The following BNC2 variants were observed in gnomAD, a reference collection of about 807,000 sequenced individuals.
BNC2 encodes zinc finger protein basonuclin-2.
In BNC2, 20 loss-of-function variants were observed where a neutral mutation model predicts 76.3. That is an observed-to-expected ratio of 0.26 (90% CI 0.18 to 0.38). The LOEUF (loss-of-function observed/expected upper bound fraction) is 0.38. Among genes scored for constraint, BNC2 ranks in the 10% least tolerant of loss-of-function variants. The pLI, the probability that BNC2 is intolerant of heterozygous loss-of-function variation, is 1.00. For missense variants in BNC2, 1,382 were observed against 1,399.8 expected (o/e 0.99, Z 0.20); for synonymous variants, 582 against 514.8 (o/e 1.13, Z -1.77).
chr9:16,429,942 CAG>C (rs1563778897), intron 6 of BNC2: 3 of 515,442 alleles, frequency 5.8e-6, no homozygotes, highest in Non-Finnish European at 3.9e-6. Context: ...TTAGGCTTGA[CAG>C]AGTCTCTCCC....
intron 5 of BNC2, among the ~76,000 whole-genome samples, chr9:16,507,871 A>G (rs1182626259): frequency 1.3e-5 from 2 of 152,228 alleles, no homozygotes; most frequent in East Asian, 3.8e-4. Context: ...CCACTTGCTT[A>G]AAGCGGCCAA....
chr9:16,845,581 T>C (rs547465526), intron 1 of BNC2, among the ~76,000 whole-genome samples: 6 of 151,282 alleles, frequency 4.0e-5, no homozygotes, highest in South Asian at 2.1e-4. Context: ...ATTAGCCGGG[T>C]GTAGCGGCGT....
chr9:16,679,067 T>G (rs1822745760), intron 3 of BNC2, among the ~76,000 whole-genome samples: 1 of 152,160 alleles, frequency 6.6e-6, no homozygotes. Context: ...TCCTCCAAGC[T>G]GCACTATGTA....
intron 3 of BNC2, among the ~76,000 whole-genome samples, chr9:16,669,869 T>A (rs1822422336): frequency 6.6e-6 from 1 of 152,234 alleles, no homozygotes; most frequent in East Asian, 1.9e-4. Context: ...CAGCTTAGAG[T>A]GGACGGTAGG....
chr9:16,705,240 T>C (rs1427125461), intron 3 of BNC2, among the ~76,000 whole-genome samples: 1 of 146,858 alleles, frequency 6.8e-6, no homozygotes, highest in Non-Finnish European at 1.5e-5. Context: ...CACAATGCCA[T>C]TTCCCTAGTT....
At chr9:16,449,839 G>A (rs1392661552) in intron 5 of BNC2, among the ~76,000 whole-genome samples, 1 of 130,714 alleles carries the variant, frequency 7.7e-6, no homozygotes, top group African/African-American at 3.8e-5. Flanking sequence ...TTAAAGGTGG[G>A]GCGGGGGGGG....
intron 3 of BNC2, among the ~76,000 whole-genome samples, chr9:16,590,181 G>C (rs919882741): frequency 6.6e-6 from 1 of 152,106 alleles, no homozygotes; most frequent in Non-Finnish European, 1.5e-5. Context: ...GGAGGGAAAA[G>C]AAGAAATTTT....
chr9:16,744,921 G>GT (rs1416528744), intron 1 of BNC2, among the ~76,000 whole-genome samples: 2 of 152,122 alleles, frequency 1.3e-5, no homozygotes, highest in Admixed American at 6.5e-5. Context: ...ATCCTTTATA[G>GT]TGTTATTTAC....
chr9:16,793,866 T>TG (rs1416124108), intron 1 of BNC2, among the ~76,000 whole-genome samples: 6 of 128,118 alleles, frequency 4.7e-5, no homozygotes, highest in Middle Eastern at 3.9e-3. Context: ...TTTTGTTTTT[T>TG]TGTTTTTTTT....
intron 6 of BNC2, chr9:16,434,997 A>G: frequency 2.1e-6 from 1 of 471,276 alleles, no homozygotes; most frequent in South Asian, 1.5e-5. Context: ...GACACACTAA[A>G]TACTCATGTA....
chr9:16,570,071 C>T (rs1444111071), intron 4 of BNC2, among the ~76,000 whole-genome samples: 7 of 152,088 alleles, frequency 4.6e-5, no homozygotes, highest in Non-Finnish European at 1.0e-4. Context: ...AATCACCCTA[C>T]CCCCCAGTTA....
chr9:16,777,973 A>C (rs1826016233), intron 1 of BNC2, among the ~76,000 whole-genome samples: 1 of 152,218 alleles, frequency 6.6e-6, no homozygotes, highest in Non-Finnish European at 1.5e-5. Flanking sequence ...ACATACTATT[A>C]TCTAACTTCT....
intron 6 of BNC2, among the ~76,000 whole-genome samples, chr9:16,430,155 A>G (rs1456059785): frequency 2.0e-5 from 3 of 151,988 alleles, no homozygotes; most frequent in Non-Finnish European, 4.4e-5. Flanking sequence ...CAAAAGGTCT[A>G]TTGATCTTGC....
chr9:16,866,770 T>C (rs1184140682), intron 1 of BNC2, among the ~76,000 whole-genome samples: 1 of 152,056 alleles, frequency 6.6e-6, no homozygotes, highest in African/African-American at 2.4e-5. Context: ...CCAGAGTGTT[T>C]TTTAAACCTT....
intron 1 of BNC2, among the ~76,000 whole-genome samples, chr9:16,843,305 C>T (rs1818880269): frequency 6.6e-6 from 1 of 152,136 alleles, no homozygotes; most frequent in South Asian, 2.1e-4. Flanking sequence ...CATTTATGGT[C>T]GTTCGAAAGG....
intron 1 of BNC2, among the ~76,000 whole-genome samples, chr9:16,792,120 A>G (rs1817527501): frequency 6.6e-6 from 1 of 151,644 alleles, no homozygotes; most frequent in Admixed American, 6.6e-5. Flanking sequence ...AAAAAAAAAA[A>G]TCAACTAGAT....
intron 1 of BNC2, among the ~76,000 whole-genome samples, chr9:16,844,356 C>T (rs73649050): frequency 0.022 from 3,311 of 150,768 alleles, 114 homozygotes; most frequent in African/African-American, 0.077. Flanking sequence ...TACTTAAAAA[C>T]GTTAAGAAGT....
chr9:16,596,561 C>G (rs994667308), intron 3 of BNC2, among the ~76,000 whole-genome samples: 1 of 152,122 alleles, frequency 6.6e-6, no homozygotes, highest in African/African-American at 2.4e-5. Context: ...AATATGGATA[C>G]TGGCAAATTC....
intron 1 of BNC2, among the ~76,000 whole-genome samples, chr9:16,788,503 A>G (rs2135625024): frequency 6.7e-6 from 1 of 150,228 alleles, no homozygotes; most frequent in South Asian, 2.2e-4. Context: ...CAGTGAGCCG[A>G]GATGACGCCA....
Sources: gnomAD v4.1 joint callset for allele counts (sites outside exome capture counted in the v4.1 genomes callset) on GRCh38, gnomAD v4.1.1 for gene constraint, MANE v1.5 for transcripts, NCBI Gene and HGNC (gene_info 2026-07-23, HGNC 2026-07-21) for gene names.